The following FAM81B variants were observed in gnomAD, a reference collection of about 807,000 sequenced individuals.
The protein encoded by FAM81B is family with sequence similarity 81 member B, also known as protein FAM81B.
A neutral mutation model predicts 58.7 loss-of-function variants in FAM81B; 60 were observed. The ratio of observed to expected loss-of-function variants is 1.02; its 90% CI spans 0.83 to 1.27. FAM81B has a LOEUF of 1.27. Among genes scored for constraint, FAM81B ranks in the 50% most tolerant of loss-of-function variants. The pLI, the probability that FAM81B is intolerant of heterozygous loss-of-function variation, is 0.00. For synonymous variants in FAM81B, 189 were observed against 179.6 expected, an observed-to-expected ratio of 1.05 and a Z score of -0.42; for missense variants, 491 against 522.0, an observed-to-expected ratio of 0.94 and a Z score of 0.58.
chr5:95,434,447 C>T (rs73141958), intron 6 of FAM81B, among the ~76,000 whole-genome samples: 3,059 of 152,284 alleles, frequency 0.02, 105 homozygotes, highest in African/African-American at 0.07. Flanking sequence ...TGCTGCATCC[C>T]TCTCACACCA....
rs1178212453 is a variant in FAM81B, at chr5:95,392,802, G to A, written c.133G>A (p.Val45Ile). ...KASIMSSDTN[V>I]NKSASPTATA... ...GCATTCTGGTTACCTAGATACAAAT[G>A]TAAACAAAAGTGCCTCTCCAACTGC... Residue 45 changes from valine (V) to isoleucine (I), a missense_variant, in exon 2 of 10, where the codon GTA (valine) becomes ATA (isoleucine). Physicochemically the swap from Val to Ile is conservative, Grantham distance 29. Transcript: ENST00000283357. The A allele has an allele frequency of 1.9e-6, 3 of 1,608,882 alleles. No homozygotes were observed. Among genetic ancestry groups the A allele is most frequent in the East Asian group, 2.2e-5 (1 of 44,790 alleles).
At chr5:95,401,821 T>A (rs1050538878) in intron 3 of FAM81B, among the ~76,000 whole-genome samples, 2 of 152,224 alleles carry the variant, frequency 1.3e-5, no homozygotes, top group Admixed American at 6.5e-5. Flanking sequence ...AGAGGCTCCA[T>A]GTACCGGCTG....
Position 95,395,975 on chromosome 5 carries a change from G to A in FAM81B, c.229-136G>A, listed in dbSNP as rs182466628. On this transcript the variant is annotated intron_variant, in intron 2 of 9. Coordinates refer to ENST00000283357, the MANE Select transcript of FAM81B (RefSeq NM_152548.3). Reference sequence around the variant, plus strand: ...CATTAGCAATACAAAGGGGACATGTGTAAGATTAACTGAGCTGATTATCTG... The same window carrying A: ...CATTAGCAATACAAAGGGGACATGTATAAGATTAACTGAGCTGATTATCTG... 3.0e-5 allele frequency: 19 copies of A among 629,338 alleles called. No homozygotes were observed. In the Admixed American group the frequency reaches 5.5e-4, roughly 18 times the overall value. The allele number at this position is 629,338 out of a possible 1,614,324, so 39.0% of individuals were successfully genotyped here. A position where few individuals can be genotyped will look rare whatever the true frequency, so the allele number is the denominator to read the frequency against.
rs780408975 is a variant in FAM81B, at chr5:95,428,702, G to A, written c.756G>A (p.Leu252=). The A allele has an allele frequency of 2.5e-6, 4 of 1,613,786 alleles. No individual in the cohort carries two copies. The highest frequency in any genetic ancestry group is 2.2e-5 in the South Asian group (2 of 91,080). The change falls in exon 6 of 10, where the codon CTG becomes CTA. Residue 252 remains leucine (L), a synonymous_variant. Transcript: ENST00000283357. ...EKAIQEFVPA[L]ETLSKNLDMK... ...CCATTCAAGAATTCGTGCCCGCCCT[G>A]GAAACTCTTTCCAAGAACTTGGACA...
intron 3 of FAM81B, among the ~76,000 whole-genome samples, chr5:95,398,418 C>CTAAA (rs5869676): frequency 0.46 from 64,812 of 141,970 alleles, 14,614 homozygotes; most frequent in East Asian, 0.61. Flanking sequence ...AACTCAATCT[C>CTAAA]TAAATAAATA....
At chr5:95,424,484 C>T (rs1762773061) in intron 5 of FAM81B, among the ~76,000 whole-genome samples, 1 of 150,248 alleles carries the variant, frequency 6.7e-6, no homozygotes. Flanking sequence ...TGTGAACAGT[C>T]ACATGTAATT....
intron 8 of FAM81B, among the ~76,000 whole-genome samples, chr5:95,447,458 AG>A (rs1333736494): frequency 6.6e-6 from 1 of 152,250 alleles, no homozygotes; most frequent in African/African-American, 2.4e-5. Context: ...AGGCTATCGA[AG>A]TATGTGTGGT....
chr5:95,422,023 G>A (rs538037643), intron 5 of FAM81B, among the ~76,000 whole-genome samples: 2 of 152,256 alleles, frequency 1.3e-5, no homozygotes, highest in East Asian at 1.9e-4. Flanking sequence ...TGTATGAGAC[G>A]CCATCAGAAT....
chr5:95,418,899 C>A (rs1296975872), intron 4 of FAM81B, among the ~76,000 whole-genome samples: 4 of 151,794 alleles, frequency 2.6e-5, no homozygotes, highest in Admixed American at 1.3e-4. Flanking sequence ...GTAATTAGAG[C>A]CCCCAGCCCA....
rs1309662871 is a variant in FAM81B, at chr5:95,426,275, A to G, written c.657-2328A>G. ...ATGAAATTTTTTCTAATGGTGATGT[A>G]CTATTTTAACAGAAACAATAAAATC... On this transcript the variant is annotated intron_variant, in intron 5 of 9. Transcript: ENST00000283357. Among the ~76,000 whole-genome samples, 4 of 152,056 alleles carry G rather than the reference A, an allele frequency of 2.6e-5. No individual in the cohort carries two copies. The East Asian group carries it at 7.7e-4, about 29-fold the overall frequency.
At chr5:95,415,702 CT>C in intron 4 of FAM81B, among the ~76,000 whole-genome samples, 1 of 152,268 alleles carries the variant, frequency 6.6e-6, no homozygotes, top group African/African-American at 2.4e-5. Context: ...GTCAAAACTT[CT>C]TGGTAATTGA....
At chr5:95,402,959 C>CA (rs1429692100) in intron 3 of FAM81B, among the ~76,000 whole-genome samples, 1 of 152,212 alleles carries the variant, frequency 6.6e-6, no homozygotes, top group African/African-American at 2.4e-5. Flanking sequence ...GTTCTACCCT[C>CA]AGTCTACCTT....
chr5:95,448,220 A>G lies in FAM81B; in HGVS notation c.1030-49A>G, dbSNP rs539785635. Reference sequence around the variant, plus strand: ...AAAAATATTTTCTCTAAGCTGAAAGATAAATCCATGTACATTTCTGAAGTT... The same window carrying G: ...AAAAATATTTTCTCTAAGCTGAAAGGTAAATCCATGTACATTTCTGAAGTT... On this transcript the variant is annotated intron_variant, in intron 8 of 9. Coordinates refer to ENST00000283357, the MANE Select transcript of FAM81B (RefSeq NM_152548.3). 6.7e-6 allele frequency: 10 copies of G among 1,500,432 alleles called. No homozygotes were observed. The East Asian group carries it at 1.6e-4, about 24-fold the overall frequency. 92.9% of individuals were successfully genotyped at this position (1,500,432 alleles called of 1,614,324 possible).
At chr5:95,406,986 G>A (rs1470297824) in intron 3 of FAM81B, among the ~76,000 whole-genome samples, 2 of 152,110 alleles carry the variant, frequency 1.3e-5, no homozygotes, top group Non-Finnish European at 2.9e-5. Context: ...GAAGCTGAAT[G>A]AGTCCTCTGA....
chr5:95,423,442 G>C (rs751109655), intron 5 of FAM81B, among the ~76,000 whole-genome samples: 1 of 151,350 alleles, frequency 6.6e-6, no homozygotes, highest in African/African-American at 2.4e-5. Flanking sequence ...CATGGGAAGG[G>C]CACCCCTAGG....
At chr5:95,397,751 C>G (rs2152760387) in intron 3 of FAM81B, among the ~76,000 whole-genome samples, 1 of 152,340 alleles carries the variant, frequency 6.6e-6, no homozygotes, top group Admixed American at 6.5e-5. Flanking sequence ...CTCCCTTACC[C>G]CTTCTCTTAC....
intron 4 of FAM81B, among the ~76,000 whole-genome samples, chr5:95,417,636 G>A (rs746706921): frequency 1.3e-5 from 2 of 152,088 alleles, no homozygotes. Flanking sequence ...ATAATAACTG[G>A]TAATATGGTA....
intron 5 of FAM81B, among the ~76,000 whole-genome samples, chr5:95,424,685 T>C (rs982823540): frequency 6.6e-6 from 1 of 152,192 alleles, no homozygotes; most frequent in African/African-American, 2.4e-5. Flanking sequence ...CCTAACTTTA[T>C]GCAACAGAAT....
chr5:95,404,550 A>G (rs1207893624), intron 3 of FAM81B, among the ~76,000 whole-genome samples: 1 of 151,762 alleles, frequency 6.6e-6, no homozygotes, highest in African/African-American at 2.4e-5. Flanking sequence ...AGACTATTTT[A>G]TATTGCTCAA....
Sources: gnomAD v4.1 joint callset for allele counts (sites outside exome capture counted in the v4.1 genomes callset) on GRCh38, gnomAD v4.1.1 for gene constraint, MANE v1.5 for transcripts, NCBI Gene and HGNC (gene_info 2026-07-23, HGNC 2026-07-21) for gene names.